Variants in TBX21 observed in about 807,000 individuals in gnomAD.
The protein encoded by TBX21 is T-box transcription factor TBX21.
Under a neutral mutation model 52.2 loss-of-function variants are expected in TBX21, and 11 were observed. The observed-to-expected ratio is 0.21, with a 90% CI of 0.13 to 0.35. TBX21 has a LOEUF of 0.35. Ranked by LOEUF, TBX21 falls within the 10% of genes least tolerant of loss-of-function variation. The pLI, the probability that TBX21 is intolerant of heterozygous loss-of-function variation, is 1.00. For missense variants in TBX21, 625 were observed against 755.1 expected (o/e 0.83, Z 2.02); for synonymous variants, 300 against 316.1 (o/e 0.95, Z 0.54).
intron 1 of TBX21, among the ~76,000 whole-genome samples, chr17:47,735,116 C>G (rs1294694278): frequency 6.6e-6 from 1 of 151,894 alleles, no homozygotes; most frequent in Non-Finnish European, 1.5e-5. Flanking sequence ...TGCTGGGTCC[C>G]AGGTCCGAGA....
intron 1 of TBX21, among the ~76,000 whole-genome samples, chr17:47,740,789 T>A (rs2032259868): frequency 6.6e-6 from 1 of 152,170 alleles, no homozygotes; most frequent in Non-Finnish European, 1.5e-5. Flanking sequence ...GGTAGTAATC[T>A]ATTTTTCTCA....
At chr17:47,734,414 G>T (rs1355131126) in intron 1 of TBX21, among the ~76,000 whole-genome samples, 1 of 152,060 alleles carries the variant, frequency 6.6e-6, no homozygotes, top group Non-Finnish European at 1.5e-5. Flanking sequence ...CTGCTGGTGT[G>T]CTCAGGTCAG....
intron 1 of TBX21, among the ~76,000 whole-genome samples, chr17:47,735,401 CT>C (rs1415498270): frequency 1.3e-5 from 2 of 152,130 alleles, no homozygotes; most frequent in Non-Finnish European, 2.9e-5. Context: ...TTTCTCTCTG[CT>C]CCCCCCAACC....
chr17:47,745,424 A>G lies in TBX21; in HGVS notation c.*58A>G. ...GTTATTAGGTTGGAGGACACCGACT[A>G]ATTTGGGAAACGGATGAAGGACTGA... On this transcript the variant is annotated 3_prime_UTR_variant, in exon 6 of 6. Coordinates refer to ENST00000177694, the MANE Select transcript of TBX21 (RefSeq NM_013351.2). The G allele has an allele frequency of 6.6e-7, 1 of 1,521,906 alleles. No individual in the cohort carries two copies. Among genetic ancestry groups the G allele is most frequent in the Non-Finnish European group, 8.8e-7 (1 of 1,138,876 alleles). The allele number at this position is 1,521,906 out of a possible 1,614,324, so 94.3% of individuals were successfully genotyped here.
chr17:47,744,735 T>C lies in TBX21; in HGVS notation c.990-13T>C. ...GCTTGTGACCCGTTTTCTTGCCTTC[T>C]ATTTTTTTCTAGCATGTACACATCT... is the stretch of plus-strand genomic sequence containing the variant. On this transcript the variant is annotated splice_polypyrimidine_tract_variant and intron_variant, in intron 5 of 5. Transcript: ENST00000177694. 2 of 1,604,306 alleles carry C rather than the reference T, an allele frequency of 1.2e-6. No individual in the cohort carries two copies. Among genetic ancestry groups the C allele is most frequent in the South Asian group, 2.2e-5 (2 of 90,380 alleles).
Position 47,733,466 on chromosome 17 carries a change from GGA to G in TBX21, c.14_15del (p.Glu5AlafsTer118). Reference sequence around the variant, plus strand: ...CCAGCCCGCCCCGGATGGGCATCGTGGAGCCGGGTTGCGGAGACATGCTGACG... The same window carrying G: ...CCAGCCCGCCCCGGATGGGCATCGTGGCCGGGTTGCGGAGACATGCTGACG... MGIV[E>X]PGCGDMLTGT... is the part of the protein sequence containing the mutation. On this transcript the variant is annotated frameshift_variant, in exon 1 of 6. Transcript: ENST00000177694. LOFTEE classifies it high-confidence loss of function. The surrounding 1 kb of genome is among the most constrained non-coding windows in gnomAD (Gnocchi z 6.6). 6.7e-7 allele frequency: 1 copy of G among 1,488,284 alleles called. No homozygotes were observed. Among genetic ancestry groups the G allele is most frequent in the Non-Finnish European group, 8.9e-7 (1 of 1,125,512 alleles). The allele number at this position is 1,488,284 out of a possible 1,614,324, so 92.2% of individuals were successfully genotyped here.
intron 1 of TBX21, among the ~76,000 whole-genome samples, chr17:47,735,589 A>G (rs2032199261): frequency 6.6e-6 from 1 of 152,206 alleles, no homozygotes; most frequent in Non-Finnish European, 1.5e-5. Flanking sequence ...CAGAGCTGGC[A>G]CTACAGCCCA....
In TBX21 at chr17:47,742,960, C is replaced by A; in HGVS notation, c.647-111C>A. ...CTGCTGAGTCCTCTGCCCTTCCCTG[C>A]CTGGTCCTCCCCCTGTGTCCTTCCT... On this transcript the variant is annotated intron_variant, in intron 2 of 5. Transcript: ENST00000177694. This position sits in a 1 kb window ranked among gnomAD's most constrained non-coding sequence, Gnocchi z 4.4. 6.5e-7 allele frequency: 1 copy of A among 1,537,306 alleles called. No individual in the cohort carries two copies. Among genetic ancestry groups the A allele is most frequent in the Non-Finnish European group, 8.7e-7 (1 of 1,144,674 alleles).
At position 47,745,153 on chromosome 17, in the gene TBX21, A is replaced by C; in HGVS notation, c.1395A>C (p.Gly465=). 6.2e-7 allele frequency: 1 copy of C among 1,614,170 alleles called. No homozygotes were observed. Among genetic ancestry groups the C allele is most frequent in the East Asian group, 2.2e-5 (1 of 44,872 alleles). ...AACCCGGCCCTGGAGGCTCAGAGGG[A>C]CGGGGACCAGAGGACCAGGGTCCCC... ...PMEPGPGGSE[G]RGPEDQGPPL... is the part of the protein sequence containing the mutation. Residue 465 remains glycine (G), a synonymous_variant, in exon 6 of 6, where the codon GGA becomes GGC. Transcript: ENST00000177694.
Position 47,743,124 on chromosome 17 carries a change from C to T in TBX21, c.700C>T (p.Arg234Cys), listed in dbSNP as rs752933576. The T allele has an allele frequency of 1.9e-6, 3 of 1,614,172 alleles. No homozygotes were observed. Among genetic ancestry groups the T allele is most frequent in the East Asian group, 2.2e-5 (1 of 44,860 alleles). Residue 234 changes from arginine (R) to cysteine (C), a missense_variant, in exon 3 of 6, where the codon CGC becomes TGC. Around this residue, in one of 4 missense-constraint regions of TBX21, gnomAD observed 142 missense variants for 258.5 expected, o/e 0.55. Coordinates refer to ENST00000177694, the MANE Select transcript of TBX21 (RefSeq NM_013351.2). The part of the protein sequence containing the change: ...DSPNTGAHWM[R>C]QEVSFGKLKL... ...CCCCAACACAGGAGCGCACTGGATG[C>T]GCCAGGAAGTTTCATTTGGGAAACT...
chr17:47,736,957 C>T (rs555762126), intron 1 of TBX21, among the ~76,000 whole-genome samples: 22 of 152,294 alleles, frequency 1.4e-4, no homozygotes, highest in African/African-American at 5.3e-4. Flanking sequence ...CCTCTCCCAC[C>T]CACCCTGGAT....
chr17:47,740,126 C>T lies in TBX21; in HGVS notation c.492-2484C>T, dbSNP rs573645112. Among the ~76,000 whole-genome samples the T allele has an allele frequency of 1.2e-4, 19 of 152,076 alleles. No individual in the cohort carries two copies. The South Asian group carries it at 4.0e-3, about 32-fold the overall frequency. The stretch of plus-strand genomic sequence containing the variant: ...TGTTGCCCAGGCTGGAGTGCAGTGG[C>T]GCCATCTCGGGTCACCGCAACCTTC... On this transcript the variant is annotated intron_variant, in intron 1 of 5. Coordinates refer to ENST00000177694, the MANE Select transcript of TBX21 (RefSeq NM_013351.2).
Position 47,744,957 on chromosome 17 carries a change from G to C in TBX21, c.1199G>C (p.Arg400Pro), listed in dbSNP as rs1162012064. 2 of 1,613,988 alleles carry C rather than the reference G, an allele frequency of 1.2e-6. No homozygotes were observed. The highest frequency in any genetic ancestry group is 8.5e-7 in the Non-Finnish European group (1 of 1,180,008). Residue 400 changes from arginine (R) to proline (P), a missense_variant, in exon 6 of 6, where the codon CGA becomes CCA. Arg to Pro is a moderately radical substitution (Grantham distance 103). Around this residue, in one of 4 missense-constraint regions of TBX21, gnomAD observed 261 missense variants for 275.1 expected, o/e 0.95. Coordinates refer to ENST00000177694, the MANE Select transcript of TBX21 (RefSeq NM_013351.2). ...GACCACAGCTATGAGGCTGAGTTTC[G>C]AGCAGTCAGCATGAAGCCTGCATTC... Reference protein sequence around the residue: ...PRDHSYEAEFRAVSMKPAFLP... With the variant: ...PRDHSYEAEFPAVSMKPAFLP...
In TBX21 at chr17:47,745,500, A is replaced by G; in HGVS notation, c.*134A>G. 1 of 1,308,226 alleles carries G rather than the reference A, an allele frequency of 7.6e-7. No homozygotes were observed. Among genetic ancestry groups the G allele is most frequent in the South Asian group, 1.5e-5 (1 of 65,192 alleles). 81.0% of individuals were successfully genotyped at this position (1,308,226 alleles called of 1,614,324 possible). On this transcript the variant is annotated 3_prime_UTR_variant, in exon 6 of 6. Coordinates refer to ENST00000177694, the MANE Select transcript of TBX21 (RefSeq NM_013351.2). Reference sequence around the variant, plus strand: ...TCTCTGTTTAGTAGTTGGTTGGGGAAGTGGGGCTCAAGAAGGATTTTGGGG... The same window carrying G: ...TCTCTGTTTAGTAGTTGGTTGGGGAGGTGGGGCTCAAGAAGGATTTTGGGG...
At chr17:47,740,003 G>A (rs142951534) in intron 1 of TBX21, among the ~76,000 whole-genome samples, 2 of 152,086 alleles carry the variant, frequency 1.3e-5, no homozygotes, top group Non-Finnish European at 2.9e-5. Context: ...CTCCCACCGA[G>A]GACCGTCACC....
At chr17:47,737,826 A>C (rs2032222893) in intron 1 of TBX21, among the ~76,000 whole-genome samples, 1 of 152,066 alleles carries the variant, frequency 6.6e-6, no homozygotes, top group Non-Finnish European at 1.5e-5. Context: ...GGGTTTCGCC[A>C]TGTTGGCCAG....
chr17:47,738,092 T>C (rs146471539), intron 1 of TBX21, among the ~76,000 whole-genome samples: 87 of 151,282 alleles, frequency 5.8e-4, no homozygotes, highest in African/African-American at 2.0e-3. Flanking sequence ...CTAAAAACAT[T>C]TTTTTTAGGC....
chr17:47,744,421 T>C lies in TBX21; in HGVS notation c.928-61T>C, dbSNP rs530781575. The C allele has an allele frequency of 4.3e-6, 7 of 1,613,890 alleles. 1 individual carries two copies. In the South Asian group the frequency reaches 7.7e-5, roughly 18 times the overall value. ...GGCCCACTGTCTTCCTTGGGAGGGA[T>C]TTGGAAAGTTCCCGAGCCCCAGACT... is the stretch of plus-strand genomic sequence containing the variant. On this transcript the variant is annotated intron_variant, in intron 4 of 5. Coordinates refer to ENST00000177694, the MANE Select transcript of TBX21 (RefSeq NM_013351.2).
At position 47,745,377 on chromosome 17, in the gene TBX21, T is replaced by C. The variant is rs1439775431; in HGVS notation, c.*11T>C. ...TATTTTCCCAACTGAGCAGATGACA[T>C]GATGAAAGGAACAGAAACAGTGTTA... On this transcript the variant is annotated 3_prime_UTR_variant, in exon 6 of 6. Coordinates refer to ENST00000177694, the MANE Select transcript of TBX21 (RefSeq NM_013351.2). The C allele has an allele frequency of 1.3e-6, 2 of 1,577,662 alleles. No individual in the cohort carries two copies. The highest frequency in any genetic ancestry group is 1.7e-6 in the Non-Finnish European group (2 of 1,163,778).
Sources: allele counts gnomAD v4.1 joint callset (sites outside exome capture counted in the v4.1 genomes callset), GRCh38; gene constraint gnomAD v4.1.1; regional missense constraint gnomAD v4.1.1; non-coding constraint Gnocchi (gnomAD v3.1); transcripts MANE v1.5; gene names NCBI Gene and HGNC (gene_info 2026-07-23, HGNC 2026-07-21).